DACH1: variants seen among roughly 807,000 people sequenced by gnomAD.
The protein encoded by DACH1 is dachshund family transcription factor 1, also known as dachshund homolog 1.
A neutral mutation model predicts 54.2 loss-of-function variants in DACH1; 12 were observed. That is an observed-to-expected ratio of 0.22 (90% CI 0.14 to 0.36). The LOEUF (loss-of-function observed/expected upper bound fraction) is 0.36, where lower values mean the gene tolerates loss of function less well. Among genes scored for constraint, DACH1 ranks in the 10% least tolerant of loss-of-function variants. The pLI is 1.00. For synonymous variants in DACH1, 386 were observed against 366.2 expected (o/e 1.05, Z -0.62); for missense variants, 805 against 929.8 (o/e 0.87, Z 1.75).
At chr13:71,442,420 T>C (rs1405058745) in intron 10 of DACH1, among the ~76,000 whole-genome samples, 1 of 152,158 alleles carries the variant, frequency 6.6e-6, no homozygotes, top group Non-Finnish European at 1.5e-5. Flanking sequence ...GTGTACACCA[T>C]TTTCTTCATT....
intron 3 of DACH1, among the ~76,000 whole-genome samples, chr13:71,594,980 G>A (rs1007935486): frequency 2.0e-5 from 3 of 152,094 alleles, no homozygotes; most frequent in African/African-American, 7.2e-5. Context: ...GGGCTGTGGA[G>A]AAAAATAAAA....
intron 2 of DACH1, among the ~76,000 whole-genome samples, chr13:71,656,000 T>G (rs764103391): frequency 6.6e-6 from 1 of 152,344 alleles, no homozygotes; most frequent in Admixed American, 6.5e-5. Context: ...GCCAATAATT[T>G]AATGAGCTTG....
chr13:71,852,369 T>C (rs1281831285), intron 1 of DACH1, among the ~76,000 whole-genome samples: 1 of 129,802 alleles, frequency 7.7e-6, no homozygotes, highest in African/African-American at 2.9e-5. Context: ...TGCTGCTTTT[T>C]TTTTTTTTTC....
At chr13:71,543,712 GA>G (rs1883286520) in intron 6 of DACH1, among the ~76,000 whole-genome samples, 1 of 152,046 alleles carries the variant, frequency 6.6e-6, no homozygotes, top group African/African-American at 2.4e-5. Flanking sequence ...TACTGATATG[GA>G]GAATGTAGCA....
chr13:71,530,817 T>G (rs933637416), intron 6 of DACH1, among the ~76,000 whole-genome samples: 3 of 152,174 alleles, frequency 2.0e-5, no homozygotes, highest in African/African-American at 7.2e-5. Flanking sequence ...TGTAGAAAGG[T>G]AAAGACCTCA....
At chr13:71,861,425 A>C (rs1364367861) in intron 1 of DACH1, among the ~76,000 whole-genome samples, 1 of 152,036 alleles carries the variant, frequency 6.6e-6, no homozygotes, top group Non-Finnish European at 1.5e-5. Context: ...CAGGTTTGGA[A>C]GAGATTATCC....
chr13:71,497,612 GT>G (rs1323041677), intron 6 of DACH1, among the ~76,000 whole-genome samples: 2 of 152,078 alleles, frequency 1.3e-5, no homozygotes, highest in African/African-American at 4.8e-5. Flanking sequence ...GATTACAGGC[GT>G]GAGCCACTGC....
At chr13:71,605,520 G>A (rs941821108) in intron 3 of DACH1, among the ~76,000 whole-genome samples, 3 of 151,774 alleles carry the variant, frequency 2.0e-5, no homozygotes, top group Non-Finnish European at 2.9e-5. Flanking sequence ...TATACTAAAT[G>A]TGATAAAATA....
At chr13:71,496,800 TA>T (rs1879481108) in intron 6 of DACH1, among the ~76,000 whole-genome samples, 1 of 152,210 alleles carries the variant, frequency 6.6e-6, no homozygotes, top group Non-Finnish European at 1.5e-5. Context: ...AATATCACAT[TA>T]AAATTTATCA....
chr13:71,473,793 C>T (rs1877286173), intron 10 of DACH1, among the ~76,000 whole-genome samples: 1 of 152,124 alleles, frequency 6.6e-6, no homozygotes, highest in Non-Finnish European at 1.5e-5. Context: ...ACCACTTTGA[C>T]ATTATCTAAT....
intron 6 of DACH1, among the ~76,000 whole-genome samples, chr13:71,493,741 T>C (rs1879180336): frequency 6.6e-6 from 1 of 152,104 alleles, no homozygotes; most frequent in Non-Finnish European, 1.5e-5. Context: ...CTAATACTTT[T>C]TATAAAAATT....
At chr13:71,573,697 A>T in intron 3 of DACH1, 2 of 456,010 alleles carry the variant, frequency 4.4e-6, no homozygotes, top group Non-Finnish European at 7.9e-6. Context: ...TTCTAGGGAA[A>T]TAAGCCGAGG....
intron 6 of DACH1, among the ~76,000 whole-genome samples, chr13:71,510,162 G>A (rs572129125): frequency 2.0e-5 from 3 of 152,024 alleles, no homozygotes; most frequent in African/African-American, 7.2e-5. Flanking sequence ...CTTCTTCTTA[G>A]TCTCTTTAAC....
intron 4 of DACH1, among the ~76,000 whole-genome samples, chr13:71,568,084 GGAAAT>G (rs2138403187): frequency 6.6e-6 from 1 of 151,972 alleles, no homozygotes; most frequent in South Asian, 2.1e-4. Context: ...TTTAAAATTT[GGAAAT>G]GATACAAAGG....
At chr13:71,800,254 A>T (rs1294864118) in intron 1 of DACH1, among the ~76,000 whole-genome samples, 5 of 152,146 alleles carry the variant, frequency 3.3e-5, no homozygotes, top group Admixed American at 1.3e-4. Context: ...GAACTAAAAT[A>T]AGGCACAGAA....
At chr13:71,768,525 A>G (rs1212781890) in intron 1 of DACH1, among the ~76,000 whole-genome samples, 2 of 151,968 alleles carry the variant, frequency 1.3e-5, no homozygotes, top group Non-Finnish European at 2.9e-5. Flanking sequence ...ATGTATTAAT[A>G]TTTGCTCTCA....
chr13:71,657,004 AT>A (rs977097760), intron 2 of DACH1, among the ~76,000 whole-genome samples: 2 of 134,254 alleles, frequency 1.5e-5, no homozygotes, highest in African/African-American at 6.5e-5. Context: ...AGGTATGTGT[AT>A]ATATATATAC....
In DACH1 at chr13:71,866,323, G is replaced by T. The variant is rs1021382696; in HGVS notation, c.447C>A (p.Ser149Arg). 3 of 1,544,994 alleles carry T rather than the reference G, an allele frequency of 1.9e-6. No individual in the cohort carries two copies. The highest frequency in any genetic ancestry group is 2.6e-6 in the Non-Finnish European group (3 of 1,145,570). The change falls in exon 1 of 11, where the codon AGC (serine) becomes AGA (arginine). Residue 149 changes from serine (S) to arginine (R), a missense_variant. Physicochemically the swap from Ser to Arg is moderately radical, Grantham distance 110. This residue lies in a region of DACH1 where 305 missense variants were observed against 308.7 expected (regional missense o/e 0.99). Transcript: ENST00000613252. Reference protein sequence around the residue: ...GSSSSSSSSSSSSSSSSSSSS... With the variant: ...GSSSSSSSSSRSSSSSSSSSS... ...TGCTGCTGCTACTACTGCTGCTGCT[G>T]CTGCTGCTGCTACTGCTGCTGCTGC...
chr13:71,845,653 T>A (rs1051379715), intron 1 of DACH1, among the ~76,000 whole-genome samples: 1 of 152,210 alleles, frequency 6.6e-6, no homozygotes, highest in Admixed American at 6.5e-5. Flanking sequence ...ACTCTGACAG[T>A]ATTAACGAGA....
Sources: gnomAD v4.1 joint callset for allele counts (sites outside exome capture counted in the v4.1 genomes callset) on GRCh38, gnomAD v4.1.1 for gene constraint, gnomAD v4.1.1 regional missense constraint, MANE v1.5 for transcripts, NCBI Gene and HGNC (gene_info 2026-07-23, HGNC 2026-07-21) for gene names.